The following BMPR1B variants were observed in gnomAD, a reference collection of about 807,000 sequenced individuals.
BMPR1B encodes bone morphogenetic protein receptor type 1B.
BMPR1B carries 12 observed loss-of-function variants against 59.1 expected under a neutral mutation model. That is an observed-to-expected ratio of 0.20 (90% CI 0.13 to 0.33). The LOEUF is 0.33. Among genes scored for constraint, BMPR1B ranks in the 10% least tolerant of loss-of-function variants. BMPR1B has a pLI of 1.00. For missense variants in BMPR1B, 550 were observed against 610.9 expected (o/e 0.90, Z 1.05); for synonymous variants, 237 against 207.3 (o/e 1.14, Z -1.23).
At chr4:95,082,361 G>T (rs1008802763) in intron 3 of BMPR1B, among the ~76,000 whole-genome samples, 2 of 151,810 alleles carry the variant, frequency 1.3e-5, no homozygotes, top group African/African-American at 2.4e-5. Context: ...TTTAAAAGTC[G>T]CAGAGCACAG....
chr4:94,806,937 T>C (rs1723627047), intron 1 of BMPR1B, among the ~76,000 whole-genome samples: 1 of 151,084 alleles, frequency 6.6e-6, no homozygotes, highest in African/African-American at 2.5e-5. Context: ...TTATTAAAGA[T>C]ATTTTATTAA....
chr4:95,075,151 C>G (rs1728608246), intron 3 of BMPR1B, among the ~76,000 whole-genome samples: 2 of 152,098 alleles, frequency 1.3e-5, no homozygotes, highest in Admixed American at 1.3e-4. Flanking sequence ...TTATTTAACT[C>G]AAACCTTATC....
chr4:94,913,790 G>C (rs1180290667), intron 2 of BMPR1B, among the ~76,000 whole-genome samples: 1 of 152,038 alleles, frequency 6.6e-6, no homozygotes, highest in Non-Finnish European at 1.5e-5. Flanking sequence ...CTTTTGTGAT[G>C]GTGGAAATGT....
intron 3 of BMPR1B, among the ~76,000 whole-genome samples, chr4:94,997,486 C>T (rs76407983): frequency 0.013 from 1,905 of 152,148 alleles, 13 homozygotes; most frequent in Middle Eastern, 0.034. Context: ...TTGTTGAATG[C>T]GTATATAACT....
Position 94,878,919 on chromosome 4 carries a change from CATTT to C in BMPR1B, c.-113+3025_-113+3028del, listed in dbSNP as rs1263242140. ...ACTCATTTATATCAAATATTTCTAC[CATTT>C]ATTTACCCTCTATTTTAATGAATTT... On this transcript the variant is annotated intron_variant, in intron 2 of 12. Transcript: ENST00000515059. Among the ~76,000 whole-genome samples, 8 of 151,988 alleles carry C rather than the reference CATTT, an allele frequency of 5.3e-5. No homozygotes were observed. In the South Asian group the frequency reaches 8.3e-4, roughly 16 times the overall value.
intron 4 of BMPR1B, among the ~76,000 whole-genome samples, chr4:95,106,417 T>C (rs779113408): frequency 2.6e-5 from 4 of 152,054 alleles, no homozygotes; most frequent in Non-Finnish European, 5.9e-5. Flanking sequence ...AATCAGTTCA[T>C]GTGCAAGAAA....
At position 94,979,167 on chromosome 4, in the gene BMPR1B, A is replaced by T. The variant is rs377302128; in HGVS notation, c.-112-16873A>T. Among the ~76,000 whole-genome samples the T allele has an allele frequency of 9.2e-5, 14 of 152,216 alleles. No homozygotes were observed. In the East Asian group the frequency reaches 2.3e-3, roughly 25 times the overall value. ...CTTCATGACACGTGGGGATTATGAG[A>T]GCTACAGTTCAAGATGAGATTTGGT... On this transcript the variant is annotated intron_variant, in intron 2 of 12. Transcript: ENST00000515059.
At chr4:94,811,962 T>A (rs188325066) in intron 1 of BMPR1B, among the ~76,000 whole-genome samples, 1 of 152,332 alleles carries the variant, frequency 6.6e-6, no homozygotes, top group East Asian at 1.9e-4. Flanking sequence ...AAAGTCGTTT[T>A]GCAGCTTGAA....
At chr4:95,098,478 A>G (rs1244819698) in intron 3 of BMPR1B, among the ~76,000 whole-genome samples, 1 of 151,918 alleles carries the variant, frequency 6.6e-6, no homozygotes, top group African/African-American at 2.4e-5. Context: ...AAAACAGTGC[A>G]GTTTCTCATT....
chr4:95,049,867 C>CAGCT (rs1726346335), intron 3 of BMPR1B, among the ~76,000 whole-genome samples: 1 of 151,968 alleles, frequency 6.6e-6, no homozygotes, highest in African/African-American at 2.4e-5. Context: ...GGAACCAAAT[C>CAGCT]AGCTTGCACA....
chr4:95,049,419 G>GTTTTT (rs761496965), intron 3 of BMPR1B, among the ~76,000 whole-genome samples: 3 of 77,404 alleles, frequency 3.9e-5, no homozygotes, highest in African/African-American at 5.2e-5. Context: ...CAGCATAAAA[G>GTTTTT]TTTTTTTTTT....
intron 1 of BMPR1B, among the ~76,000 whole-genome samples, chr4:94,834,504 A>AT (rs371792569): frequency 5.2e-4 from 78 of 150,212 alleles, no homozygotes; most frequent in Non-Finnish European, 5.9e-4. Context: ...CCAAGGAAGG[A>AT]TTTTTTTTTT....
chr4:94,780,682 CTTTTTTTTTT>C (rs869117575), intron 1 of BMPR1B, among the ~76,000 whole-genome samples: 6 of 82,342 alleles, frequency 7.3e-5, no homozygotes, highest in African/African-American at 1.0e-4. Context: ...GTATTATTGT[CTTTTTTTTTT>C]TTTTTTTTTT....
At chr4:94,840,333 C>G (rs563321892) in intron 1 of BMPR1B, among the ~76,000 whole-genome samples, 2 of 149,202 alleles carry the variant, frequency 1.3e-5, no homozygotes, top group Admixed American at 6.7e-5. Context: ...GGGAAGTTCT[C>G]CTAGATAATA....
intron 1 of BMPR1B, among the ~76,000 whole-genome samples, chr4:94,847,235 TATA>T (rs1725369527): frequency 6.6e-6 from 1 of 152,112 alleles, no homozygotes; most frequent in Non-Finnish European, 1.5e-5. Context: ...TACAATGAGA[TATA>T]ATCTCACTCC....
intron 2 of BMPR1B, among the ~76,000 whole-genome samples, chr4:94,944,543 A>G (rs1469002663): frequency 6.6e-6 from 1 of 152,190 alleles, no homozygotes; most frequent in Admixed American, 6.5e-5. Flanking sequence ...TGTGATAACT[A>G]AAGAGAAATT....
intron 3 of BMPR1B, among the ~76,000 whole-genome samples, chr4:95,012,341 C>T (rs1723282329): frequency 6.6e-6 from 1 of 152,142 alleles, no homozygotes; most frequent in Non-Finnish European, 1.5e-5. Flanking sequence ...GAGGGATCAA[C>T]TAAGCAGGTT....
intron 5 of BMPR1B, 54 bp from the exon 6 acceptor site, chr4:95,115,631 T>C: frequency 4.1e-6 from 6 of 1,467,800 alleles, no homozygotes; most frequent in Non-Finnish European, 3.8e-6. Context: ...TTTAGATGAT[T>C]TGACTTTGAA....
intron 1 of BMPR1B, among the ~76,000 whole-genome samples, chr4:94,841,822 A>G (rs972517095): frequency 2.0e-5 from 3 of 152,234 alleles, no homozygotes; most frequent in Non-Finnish European, 2.9e-5. Flanking sequence ...TAATCTGGTA[A>G]TAATGAAAAT....
Sources: gnomAD v4.1 joint callset for allele counts (sites outside exome capture counted in the v4.1 genomes callset) on GRCh38, gnomAD v4.1.1 for gene constraint, MANE v1.5 for transcripts, NCBI Gene and HGNC (gene_info 2026-07-23, HGNC 2026-07-21) for gene names.